Variants in SEC22A observed in about 807,000 individuals in gnomAD.
The protein encoded by SEC22A is vesicle-trafficking protein SEC22a.
In SEC22A, 22 loss-of-function variants were observed where a neutral mutation model predicts 35.3. The ratio of observed to expected loss-of-function variants is 0.62; its 90% CI spans 0.45 to 0.89. The LOEUF (loss-of-function observed/expected upper bound fraction) is 0.89, where lower values mean the gene tolerates loss of function less well. Ranked by LOEUF, SEC22A falls within the 40% of genes least tolerant of loss-of-function variation. SEC22A has a pLI of 0.00. For missense variants in SEC22A, 354 were observed against 362.5 expected, an observed-to-expected ratio of 0.98 and a Z score of 0.19; for synonymous variants, 119 against 129.5, an observed-to-expected ratio of 0.92 and a Z score of 0.55.
chr3:123,243,980 C>G (rs1937547164), intron 4 of SEC22A: 1 of 152,132 alleles, frequency 6.6e-6, no homozygotes, highest in African/African-American at 2.4e-5. Context: ...GCTTTGGATT[C>G]AGCAAAATTA....
chr3:123,269,131 G>A (rs1042539733), intron 6 of SEC22A, among the ~76,000 whole-genome samples: 9 of 151,060 alleles, frequency 6.0e-5, no homozygotes, highest in Admixed American at 2.0e-4. Context: ...AATATGTGGG[G>A]TAGAGACCTA....
Position 123,271,711 on chromosome 3 carries a change from T to G in SEC22A, c.913T>G (p.Tyr305Asp). The change falls in exon 7 of 7, where the codon TAT becomes GAT. Residue 305 changes from tyrosine to aspartate, a missense_variant. Tyr to Asp is a radical substitution (Grantham distance 160, BLOSUM62 -3). Coordinates refer to ENST00000492595, the MANE Select transcript of SEC22A (RefSeq NM_012430.5). ...GCAAGCCCAGGGCAAGGCTCCCGAT[T>G]ATGATGTCTGACACCATCCTTCAGA... ...LRQAQGKAPD[Y>D]DV The G allele has an allele frequency of 2.5e-6, 4 of 1,613,964 alleles. No homozygotes were observed. Among genetic ancestry groups the G allele is most frequent in the Non-Finnish European group, 3.4e-6 (4 of 1,179,832 alleles).
intron 2 of SEC22A, among the ~76,000 whole-genome samples, chr3:123,223,033 C>A (rs1317538542): frequency 6.6e-6 from 1 of 152,182 alleles, no homozygotes; most frequent in Non-Finnish European, 1.5e-5. Flanking sequence ...ATAAATTCCC[C>A]CCTCCCATGG....
intron 2 of SEC22A, among the ~76,000 whole-genome samples, chr3:123,216,155 C>T (rs116723153): frequency 1.3e-5 from 2 of 152,218 alleles, no homozygotes; most frequent in Non-Finnish European, 2.9e-5. Context: ...GCCTAGGAAC[C>T]TAATTACTGT....
chr3:123,253,571 G>A (rs1937645032), intron 5 of SEC22A, among the ~76,000 whole-genome samples: 1 of 152,000 alleles, frequency 6.6e-6, no homozygotes, highest in African/African-American at 2.4e-5. Flanking sequence ...AATTAACTGA[G>A]CGCGGTGGCA....
At chr3:123,204,108 A>G (rs955049196) in intron 1 of SEC22A, among the ~76,000 whole-genome samples, 1 of 152,188 alleles carries the variant, frequency 6.6e-6, no homozygotes, top group East Asian at 1.9e-4. Context: ...TGGTACTGTC[A>G]CATATGCAAG....
intron 2 of SEC22A, among the ~76,000 whole-genome samples, chr3:123,210,254 G>T (rs973009229): frequency 2.0e-5 from 3 of 152,216 alleles, no homozygotes; most frequent in Non-Finnish European, 2.9e-5. Flanking sequence ...AGAAGTTCAG[G>T]TGGAGGTGCT....
At chr3:123,252,522 GA>G (rs1937626189) in intron 5 of SEC22A, among the ~76,000 whole-genome samples, 1 of 152,136 alleles carries the variant, frequency 6.6e-6, no homozygotes, top group Non-Finnish European at 1.5e-5. Flanking sequence ...TATAATTTTA[GA>G]TCTGACTGAA....
intron 4 of SEC22A, among the ~76,000 whole-genome samples, chr3:123,233,357 A>G (rs1377353803): frequency 6.6e-6 from 1 of 152,182 alleles, no homozygotes; most frequent in African/African-American, 2.4e-5. Context: ...TAGCCTAGGT[A>G]TGTATTAGGG....
chr3:123,225,311 C>G lies in SEC22A; in HGVS notation c.541+14C>G. 2.7e-6 allele frequency: 4 copies of G among 1,495,038 alleles called. No individual in the cohort carries two copies. In the Middle Eastern group the frequency reaches 5.3e-4, roughly 199 times the overall value. The allele number at this position is 1,495,038 out of a possible 1,614,324, so 92.6% of individuals were successfully genotyped here. Reference sequence around the variant, plus strand: ...AGATTTCTTCTGGTGAGTTCTGGATCTCAGTTATTTTATTTTAAAAAAATC... The same window carrying G: ...AGATTTCTTCTGGTGAGTTCTGGATGTCAGTTATTTTATTTTAAAAAAATC... On this transcript the variant is annotated intron_variant, in intron 4 of 6. Transcript: ENST00000492595.
At chr3:123,246,277 GTC>G (rs1264453028) in intron 5 of SEC22A, among the ~76,000 whole-genome samples, 1 of 152,210 alleles carries the variant, frequency 6.6e-6, no homozygotes, top group Non-Finnish European at 1.5e-5. Flanking sequence ...AGGCCTTGCA[GTC>G]TCATAACTGA....
At chr3:123,258,008 A>AAAAAAAAAAAAAAAAG (rs1937779690) in intron 5 of SEC22A, among the ~76,000 whole-genome samples, 1 of 150,080 alleles carries the variant, frequency 6.7e-6, no homozygotes, top group Non-Finnish European at 1.5e-5. Flanking sequence ...AAAAAAAAAA[A>AAAAAAAAAAAAAAAAG]GGAAGGAAGG....
chr3:123,204,888 T>G (rs569228577), intron 1 of SEC22A: 20 of 152,382 alleles, frequency 1.3e-4, no homozygotes, highest in African/African-American at 4.8e-4. Flanking sequence ...AATCTTCCCA[T>G]GCAATTGTTG....
At chr3:123,221,798 A>G (rs2045647512) in intron 2 of SEC22A, among the ~76,000 whole-genome samples, 1 of 152,192 alleles carries the variant, frequency 6.6e-6, no homozygotes, top group South Asian at 2.1e-4. Flanking sequence ...GAAAAGTTGT[A>G]TGAATAAGAA....
chr3:123,230,853 C>T (rs929797325), intron 4 of SEC22A, among the ~76,000 whole-genome samples: 1 of 151,544 alleles, frequency 6.6e-6, no homozygotes, highest in African/African-American at 2.4e-5. Context: ...ATTAAATAAT[C>T]CAGTCAAAAG....
chr3:123,263,902 A>G (rs1272566063), intron 6 of SEC22A, among the ~76,000 whole-genome samples: 1 of 149,932 alleles, frequency 6.7e-6, no homozygotes, highest in Non-Finnish European at 1.5e-5. Flanking sequence ...TATGTATTCA[A>G]TGTACTATTA....
At chr3:123,235,477 T>G (rs7637200) in intron 4 of SEC22A, among the ~76,000 whole-genome samples, 29,884 of 152,072 alleles carry the variant, frequency 0.2, 3,039 homozygotes, top group Middle Eastern at 0.28. Flanking sequence ...AAATTACAAG[T>G]AGATGCCACT....
intron 2 of SEC22A, among the ~76,000 whole-genome samples, chr3:123,217,963 A>G (rs1937061756): frequency 6.6e-6 from 1 of 152,212 alleles, no homozygotes; most frequent in Admixed American, 6.5e-5. Context: ...AGTTTGGTGC[A>G]ACAGGCCAGA....
chr3:123,238,814 A>C (rs1011163427), intron 4 of SEC22A, among the ~76,000 whole-genome samples: 1 of 152,186 alleles, frequency 6.6e-6, no homozygotes, highest in Admixed American at 6.5e-5. Context: ...TGAAGTCTAC[A>C]GATGTTGTTC....
Sources: allele counts gnomAD v4.1 joint callset (sites outside exome capture counted in the v4.1 genomes callset), GRCh38; gene constraint gnomAD v4.1.1; transcripts MANE v1.5; gene names NCBI Gene and HGNC (gene_info 2026-07-23, HGNC 2026-07-21).